The following PTPRD variants were observed in gnomAD, a reference collection of about 807,000 sequenced individuals.
PTPRD encodes the protein receptor-type tyrosine-protein phosphatase delta.
Under a neutral mutation model 214.5 loss-of-function variants are expected in PTPRD, and 34 were observed. That is an observed-to-expected ratio of 0.16 (90% CI 0.12 to 0.21). The LOEUF (loss-of-function observed/expected upper bound fraction) is 0.21. PTPRD is among the 10% of genes least tolerant of loss of function. PTPRD has a pLI of 1.00. For missense variants in PTPRD, 2,545 were observed against 2,398.7 expected, an observed-to-expected ratio of 1.06 and a Z score of -1.27; for synonymous variants, 1,128 against 845.7, an observed-to-expected ratio of 1.33 and a Z score of -5.79.
chr9:10,382,978 G>C (rs534037471), intron 2 of PTPRD, among the ~76,000 whole-genome samples: 1 of 151,958 alleles, frequency 6.6e-6, no homozygotes, highest in South Asian at 2.1e-4. Flanking sequence ...GAGTTGGAAA[G>C]TGACACTGAT....
intron 11 of PTPRD, among the ~76,000 whole-genome samples, chr9:8,783,100 A>C (rs1051447853): frequency 6.6e-6 from 1 of 152,238 alleles, no homozygotes; most frequent in Non-Finnish European, 1.5e-5. Context: ...AAATTACAGC[A>C]TATCAACATG....
intron 3 of PTPRD, among the ~76,000 whole-genome samples, chr9:10,034,859 T>C (rs961132526): frequency 1.3e-5 from 2 of 152,200 alleles, no homozygotes; most frequent in African/African-American, 4.8e-5. Context: ...TACACGTTTT[T>C]GCTATTGTGA....
At chr9:9,530,073 T>C (rs112512355) in intron 8 of PTPRD, among the ~76,000 whole-genome samples, 8 of 152,072 alleles carry the variant, frequency 5.3e-5, no homozygotes, top group African/African-American at 1.9e-4. Context: ...TTTCAAATAA[T>C]CTAATGATGC....
At chr9:9,867,385 G>A (rs75944341) in intron 5 of PTPRD, among the ~76,000 whole-genome samples, 2,606 of 151,808 alleles carry the variant, frequency 0.017, 67 homozygotes, top group African/African-American at 0.06. Flanking sequence ...TTGTTGGGTG[G>A]GATTAAAAAT....
intron 2 of PTPRD, among the ~76,000 whole-genome samples, chr9:10,466,777 A>G (rs1360534295): frequency 6.6e-6 from 1 of 152,174 alleles, no homozygotes; most frequent in African/African-American, 2.4e-5. Context: ...AAGCTTCTCA[A>G]ATACAAAGGG....
At chr9:10,114,575 T>C (rs904341770) in intron 3 of PTPRD, among the ~76,000 whole-genome samples, 2 of 152,080 alleles carry the variant, frequency 1.3e-5, no homozygotes, top group Non-Finnish European at 2.9e-5. Flanking sequence ...GCTTGTATTA[T>C]ATAGGTGTAT....
intron 2 of PTPRD, among the ~76,000 whole-genome samples, chr9:10,360,069 C>A (rs577515744): frequency 6.4e-4 from 98 of 152,254 alleles, no homozygotes; most frequent in African/African-American, 2.3e-3. Flanking sequence ...AGAGAAATTG[C>A]ATTATGCATA....
intron 7 of PTPRD, among the ~76,000 whole-genome samples, chr9:9,719,752 A>G (rs1220336111): frequency 1.3e-5 from 2 of 152,038 alleles, no homozygotes; most frequent in African/African-American, 4.8e-5. Context: ...ATTCGGTAAC[A>G]CCCTCTTTGG....
At chr9:9,675,341 T>C (rs2154393282) in intron 7 of PTPRD, among the ~76,000 whole-genome samples, 2 of 151,946 alleles carry the variant, frequency 1.3e-5, no homozygotes, top group Middle Eastern at 7.3e-3. Flanking sequence ...GAAGAATGCC[T>C]AAAAATTAAT....
chr9:9,818,519 A>G (rs2049529551), intron 5 of PTPRD, among the ~76,000 whole-genome samples: 1 of 152,154 alleles, frequency 6.6e-6, no homozygotes, highest in African/African-American at 2.4e-5. Flanking sequence ...GTAGAAATGT[A>G]GGTAGGGAAG....
In PTPRD at chr9:8,877,461, G is replaced by A. The variant is rs527477793; in HGVS notation, c.-104+141236C>T. 2.3e-3 allele frequency among the ~76,000 whole-genome samples: 353 copies of A among 152,160 alleles called. 3 individuals are homozygous for A. The highest frequency in any genetic ancestry group is 0.014 in the Middle Eastern group (4 of 294). Reference sequence around the variant, plus strand: ...TATAGTGACAGTTTACTTTCATACCGTGAAGGAATTCAGAGCAATAATAAA... The same window carrying A: ...TATAGTGACAGTTTACTTTCATACCATGAAGGAATTCAGAGCAATAATAAA... On this transcript the variant is annotated intron_variant, in intron 11 of 45. Coordinates refer to ENST00000381196, the MANE Select transcript of PTPRD (RefSeq NM_002839.4).
At chr9:8,945,117 A>G (rs370593830) in intron 11 of PTPRD, among the ~76,000 whole-genome samples, 217 of 152,204 alleles carry the variant, frequency 1.4e-3, no homozygotes, top group African/African-American at 5.1e-3. Context: ...AAAATCAGGG[A>G]AACAATTTAC....
At chr9:10,078,916 C>T (rs2098183413) in intron 3 of PTPRD, among the ~76,000 whole-genome samples, 1 of 152,086 alleles carries the variant, frequency 6.6e-6, no homozygotes, top group Non-Finnish European at 1.5e-5. Flanking sequence ...CATCTGGTTG[C>T]CTTCTTCTGA....
intron 3 of PTPRD, among the ~76,000 whole-genome samples, chr9:10,077,600 T>A (rs2098154502): frequency 6.6e-6 from 1 of 152,150 alleles, no homozygotes; most frequent in African/African-American, 2.4e-5. Flanking sequence ...ATCCAGGTAA[T>A]AAGCATAGTA....
intron 8 of PTPRD, among the ~76,000 whole-genome samples, chr9:9,439,034 A>G (rs550955132): frequency 6.6e-6 from 1 of 152,276 alleles, no homozygotes; most frequent in South Asian, 2.1e-4. Flanking sequence ...ATTTCTGTGC[A>G]ATGTTCCATA....
intron 10 of PTPRD, among the ~76,000 whole-genome samples, chr9:9,065,034 A>T (rs761799863): frequency 6.6e-6 from 1 of 152,208 alleles, no homozygotes; most frequent in Non-Finnish European, 1.5e-5. Flanking sequence ...AATTCATCAC[A>T]AATATCCACT....
At chr9:8,418,435 C>G (rs2094113497) in intron 35 of PTPRD, among the ~76,000 whole-genome samples, 1 of 152,080 alleles carries the variant, frequency 6.6e-6, no homozygotes, top group Non-Finnish European at 1.5e-5. Context: ...ATTACCATAA[C>G]TTATCTTTTC....
At chr9:10,381,410 G>A (rs1164640500) in intron 2 of PTPRD, among the ~76,000 whole-genome samples, 2 of 151,992 alleles carry the variant, frequency 1.3e-5, no homozygotes, top group Non-Finnish European at 1.5e-5. Context: ...CTTCAGCGGA[G>A]CACTTGACTG....
intron 3 of PTPRD, among the ~76,000 whole-genome samples, chr9:10,180,911 T>C (rs1361605178): frequency 1.3e-5 from 2 of 151,938 alleles, no homozygotes; most frequent in Non-Finnish European, 2.9e-5. Context: ...TAGAATTAAA[T>C]TTCCATAACC....
Sources: allele counts gnomAD v4.1 joint callset (sites outside exome capture counted in the v4.1 genomes callset), GRCh38; gene constraint gnomAD v4.1.1; transcripts MANE v1.5; gene names NCBI Gene and HGNC (gene_info 2026-07-23, HGNC 2026-07-21).